The following SPAM1 variants were observed in gnomAD, a reference collection of about 807,000 sequenced individuals.
The protein encoded by SPAM1 is sperm adhesion molecule 1, also known as hyaluronidase PH-20.
A neutral mutation model predicts 29.6 loss-of-function variants in SPAM1; 22 were observed. The ratio of observed to expected loss-of-function variants is 0.74; its 90% CI spans 0.53 to 1.06. SPAM1 has a LOEUF of 1.06. SPAM1 is among the 50% of genes least tolerant of loss of function. SPAM1 has a pLI of 0.00. For missense variants in SPAM1, 534 were observed against 604.0 expected (o/e 0.88, Z 1.21); for synonymous variants, 194 against 204.6 (o/e 0.95, Z 0.44).
At position 123,932,854 on chromosome 7, in the gene SPAM1, A is replaced by G. The variant is rs1808128676; in HGVS notation, c.-319+7502A>G. ...TTGGCTAACTTTGCTGGGTGCTCCC[A>G]AGATCTCAATGGTAACCTCTGGAGT... On this transcript the variant is annotated intron_variant, in intron 1 of 4. Coordinates refer to ENST00000682466, the MANE Select transcript of SPAM1 (RefSeq NM_153189.3). 4.6e-5 allele frequency among the ~76,000 whole-genome samples: 7 copies of G among 152,242 alleles called. No individual in the cohort carries two copies. In the South Asian group the frequency reaches 1.5e-3, roughly 32 times the overall value.
chr7:123,969,697 T>G (rs1028570893), intron 5 of SPAM1, among the ~76,000 whole-genome samples: 2 of 152,046 alleles, frequency 1.3e-5, no homozygotes, highest in Non-Finnish European at 2.9e-5. Flanking sequence ...TACTATAACC[T>G]TGTAGTGTAT....
chr7:123,951,666 G>C (rs1279386265), intron 2 of SPAM1, among the ~76,000 whole-genome samples: 1 of 152,004 alleles, frequency 6.6e-6, no homozygotes, highest in Admixed American at 6.6e-5. Context: ...CTGTCACCAA[G>C]GCTGAAGTAC....
chr7:123,954,423 G>A lies in SPAM1; in HGVS notation c.853G>A (p.Ala285Thr). The A allele has an allele frequency of 1.9e-6, 3 of 1,613,398 alleles. No homozygotes were observed. The highest frequency in any genetic ancestry group is 2.2e-5 in the East Asian group (1 of 44,840). ...CTATGTGCGCAATCGAGTTCGGGAAGCCATCAGAGTTTCCAAAATACCTGA... is the reference window on the plus strand; with the variant it reads ...CTATGTGCGCAATCGAGTTCGGGAAACCATCAGAGTTTCCAAAATACCTGA... ...TLYVRNRVRE[A>T]IRVSKIPDAK... The change falls in exon 3 of 5, where the codon GCC becomes ACC. Residue 285 changes from alanine to threonine, a missense_variant. Coordinates refer to ENST00000682466, the MANE Select transcript of SPAM1 (RefSeq NM_153189.3).
chr7:123,962,296 C>T (rs1350736436), downstream of SPAM1, among the ~76,000 whole-genome samples: 3 of 151,494 alleles, frequency 2.0e-5, no homozygotes, highest in Non-Finnish European at 3.0e-5. Flanking sequence ...TTTCATAGAC[C>T]CCTTGGTCAC....
chr7:123,964,907 G>T (rs999929756), downstream of SPAM1, among the ~76,000 whole-genome samples: 2 of 151,962 alleles, frequency 1.3e-5, no homozygotes, highest in Non-Finnish European at 2.9e-5. Context: ...GTTGACTTTA[G>T]TGACAAATAC....
intron 1 of SPAM1, among the ~76,000 whole-genome samples, chr7:123,928,995 A>G (rs1201662726): frequency 2.0e-5 from 3 of 152,110 alleles, no homozygotes; most frequent in Non-Finnish European, 1.5e-5. Flanking sequence ...GCCTTTTTTC[A>G]AAGAATTGGG....
chr7:123,948,486 ATCCTGAGGCT>A (rs1244104041), intron 1 of SPAM1, among the ~76,000 whole-genome samples: 2 of 152,162 alleles, frequency 1.3e-5, no homozygotes, highest in African/African-American at 2.4e-5. Context: ...TTATCTCAGT[ATCCTGAGGCT>A]TCCTGAGGCT....
At chr7:123,951,726 A>T (rs1168501934) in intron 2 of SPAM1, among the ~76,000 whole-genome samples, 1 of 152,040 alleles carries the variant, frequency 6.6e-6, no homozygotes, top group African/African-American at 2.4e-5. Flanking sequence ...GGTTCAAGTG[A>T]TTCTCCTGCC....
chr7:123,930,841 A>G (rs968251103), intron 1 of SPAM1, among the ~76,000 whole-genome samples: 2 of 152,080 alleles, frequency 1.3e-5, no homozygotes, highest in Non-Finnish European at 2.9e-5. Flanking sequence ...CTTAGCACCC[A>G]CCACCTAGCA....
chr7:123,927,636 G>A (rs1248466384), intron 1 of SPAM1, among the ~76,000 whole-genome samples: 1 of 152,106 alleles, frequency 6.6e-6, no homozygotes, highest in Non-Finnish European at 1.5e-5. Context: ...TAGATATGAA[G>A]GATTTAAGGC....
Position 123,950,785 on chromosome 7 carries a change from G to A in SPAM1, c.-207+802G>A, listed in dbSNP as rs142389531. On this transcript the variant is annotated intron_variant, in intron 2 of 4. Transcript: ENST00000682466. The stretch of plus-strand genomic sequence containing the variant: ...TTCCTTTGAGTAGATAGCCAATAGT[G>A]GGATTGCGAGGATGATTGGTAGTTC... 1.3e-3 allele frequency among the ~76,000 whole-genome samples: 201 copies of A among 152,168 alleles called. 5 individuals are homozygous for A. The East Asian group carries it at 0.03, about 22-fold the overall frequency.
exon 7 of SPAM1, chr7:123,971,295 T>G (rs1406406871): frequency 1.3e-5 from 2 of 152,106 alleles, no homozygotes; most frequent in African/African-American, 4.8e-5. Flanking sequence ...GAATTATGCC[T>G]TTTCCATCAA....
chr7:123,959,664 C>T lies in SPAM1; in HGVS notation c.1225C>T (p.Leu409Phe). The change falls in exon 5 of 5, where the codon CTT becomes TTT. Residue 409 changes from leucine (L) to phenylalanine (F), a missense_variant. Coordinates refer to ENST00000682466, the MANE Select transcript of SPAM1 (RefSeq NM_153189.3). ...HLNPDNFAIQLEKGGKFTVRG... is the reference protein window; with the variant it reads ...HLNPDNFAIQFEKGGKFTVRG... ...CAACCCAGATAATTTTGCTATTCAA[C>T]TTGAGAAAGGTGGAAAGTTCACAGT... 6.2e-7 allele frequency: 1 copy of T among 1,613,302 alleles called. No homozygotes were observed. Among genetic ancestry groups the T allele is most frequent in the Non-Finnish European group, 8.5e-7 (1 of 1,179,574 alleles).
chr7:123,941,598 T>C (rs964881767), intron 1 of SPAM1, among the ~76,000 whole-genome samples: 3 of 152,196 alleles, frequency 2.0e-5, no homozygotes, highest in Non-Finnish European at 4.4e-5. Context: ...GTCTGTCCTT[T>C]GTTCACAAGG....
At chr7:123,940,350 G>T (rs914268483) in intron 1 of SPAM1, among the ~76,000 whole-genome samples, 5 of 151,914 alleles carry the variant, frequency 3.3e-5, no homozygotes, top group African/African-American at 9.7e-5. Flanking sequence ...TCTTTAATAA[G>T]CTCTGAGACC....
chr7:123,968,056 A>T (rs573490848), intron 5 of SPAM1, among the ~76,000 whole-genome samples: 4 of 152,112 alleles, frequency 2.6e-5, no homozygotes, highest in Non-Finnish European at 5.9e-5. Flanking sequence ...ATAAGCCCCA[A>T]AATTGGGGCT....
intron 1 of SPAM1, among the ~76,000 whole-genome samples, chr7:123,949,482 A>ATCATTT (rs1318259938): frequency 3.9e-5 from 6 of 152,076 alleles, no homozygotes; most frequent in African/African-American, 1.4e-4. Flanking sequence ...TACATGTTGC[A>ATCATTT]TCATTATCTT....
At chr7:123,941,603 A>C (rs1415090890) in intron 1 of SPAM1, among the ~76,000 whole-genome samples, 1 of 152,192 alleles carries the variant, frequency 6.6e-6, no homozygotes, top group African/African-American at 2.4e-5. Context: ...TCCTTTGTTC[A>C]CAAGGAATTC....
At chr7:123,953,227 AG>A (rs1792154561) in intron 2 of SPAM1, 137 bp from the exon 3 acceptor site, 1 of 201,808 alleles carries the variant, frequency 5.0e-6, no homozygotes, top group Non-Finnish European at 9.7e-6. Context: ...ATAATTTCAT[AG>A]ATTCAAACAC....
Sources: allele counts gnomAD v4.1 joint callset (sites outside exome capture counted in the v4.1 genomes callset), GRCh38; gene constraint gnomAD v4.1.1; transcripts MANE v1.5; gene names NCBI Gene and HGNC (gene_info 2026-07-23, HGNC 2026-07-21).